PCDH9: variants seen among roughly 807,000 people sequenced by gnomAD.
The protein encoded by PCDH9 is protocadherin 9.
In PCDH9, 24 loss-of-function variants were observed where a neutral mutation model predicts 70.6. The ratio of observed to expected loss-of-function variants is 0.34; its 90% CI spans 0.25 to 0.48. PCDH9 has a LOEUF of 0.48. Ranked by LOEUF, PCDH9 falls within the 20% of genes least tolerant of loss-of-function variation. The pLI, the probability that PCDH9 is intolerant of heterozygous loss-of-function variation, is 0.99. For missense variants in PCDH9, 1,281 were observed against 1,503.6 expected, an observed-to-expected ratio of 0.85 and a Z score of 2.45; for synonymous variants, 562 against 558.5, an observed-to-expected ratio of 1.01 and a Z score of -0.09.
intron 3 of PCDH9, among the ~76,000 whole-genome samples, chr13:66,788,960 G>T (rs2080122869): frequency 6.6e-6 from 1 of 152,020 alleles, no homozygotes; most frequent in South Asian, 2.1e-4. Context: ...AGCACATCTA[G>T]AATTGTCCTG....
intron 2 of PCDH9, among the ~76,000 whole-genome samples, chr13:67,072,464 G>T (rs2085786412): frequency 6.6e-6 from 1 of 151,998 alleles, no homozygotes; most frequent in Non-Finnish European, 1.5e-5. Flanking sequence ...AGTTTTCCTT[G>T]GGCCTTTGGG....
Position 67,226,439 on chromosome 13 carries a change from C to A in PCDH9, c.2002G>T (p.Val668Phe). Residue 668 changes from valine to phenylalanine, a missense_variant, in exon 2 of 5, where the codon GTC becomes TTC. This residue lies in a region of PCDH9 where 798 missense variants were observed against 1,003.1 expected (regional missense o/e 0.80). Transcript: ENST00000377865. The surrounding 1 kb of genome is among the most constrained non-coding windows in gnomAD (Gnocchi z 5.0). ...ATGACAACTGGGCTGTTGTCATTGA[C>A]ATCCATGACGTTGATAGTTACTTTT... ...TAKVTINVMD[V>F]NDNSPVVISP... 6.2e-7 allele frequency: 1 copy of A among 1,613,716 alleles called. No individual in the cohort carries two copies.
chr13:66,537,219 C>T (rs575666482), intron 4 of PCDH9, among the ~76,000 whole-genome samples: 183 of 152,142 alleles, frequency 1.2e-3, no homozygotes, highest in Admixed American at 3.7e-3. Context: ...ACCCCTGAGT[C>T]TTCAGGGCTC....
At chr13:66,369,918 G>T (rs1956615993) in intron 4 of PCDH9, among the ~76,000 whole-genome samples, 1 of 152,200 alleles carries the variant, frequency 6.6e-6, no homozygotes, top group Non-Finnish European at 1.5e-5. Context: ...AGCAGTGGAA[G>T]TATTTTCTTT....
chr13:66,329,046 A>G (rs1323192695), intron 4 of PCDH9, among the ~76,000 whole-genome samples: 1 of 152,120 alleles, frequency 6.6e-6, no homozygotes, highest in Admixed American at 6.5e-5. Flanking sequence ...AAGTATTTAC[A>G]CTTTAAGTTA....
chr13:67,088,270 AG>A lies in PCDH9; in HGVS notation c.3036+137134del, dbSNP rs375064389. Among the ~76,000 whole-genome samples, 14 of 152,100 alleles carry A rather than the reference AG, an allele frequency of 9.2e-5. No homozygotes were observed. In the East Asian group the frequency reaches 1.9e-3, roughly 21 times the overall value. On this transcript the variant is annotated intron_variant, in intron 2 of 4. Coordinates refer to ENST00000377865, the MANE Select transcript of PCDH9 (RefSeq NM_203487.3). The stretch of plus-strand genomic sequence containing the variant: ...CTCAAATCATTTTAGATTGTGATTT[AG>A]TTTTACCCAGCATCTATCAGTTAGC...
rs1260537300 is a variant in PCDH9 at position 66,741,302 on chromosome 13, T to C, written c.3139-109891A>G. ...GACAAAATTCAACAACCCTTCATGC[T>C]AAAAACTCTCAATAAATTAGGTACT... On this transcript the variant is annotated intron_variant, in intron 3 of 4. Coordinates refer to ENST00000377865, the MANE Select transcript of PCDH9 (RefSeq NM_203487.3). Among the ~76,000 whole-genome samples, 4 of 12,724 alleles carry C rather than the reference T, an allele frequency of 3.1e-4. No homozygotes were observed. The Non-Finnish European group carries it at 0.019, about 60-fold the overall frequency. 8.3% of individuals were successfully genotyped at this position (12,724 alleles called of 152,430 possible). A position where few individuals can be genotyped will look rare whatever the true frequency, so the allele number is the denominator to read the frequency against.
At chr13:66,996,843 T>C (rs148197829) in intron 2 of PCDH9, among the ~76,000 whole-genome samples, 1 of 152,260 alleles carries the variant, frequency 6.6e-6, no homozygotes, top group Non-Finnish European at 1.5e-5. Context: ...AATGCAAAAT[T>C]AAAGGATTTT....
At chr13:67,195,106 T>C (rs1464706753) in intron 2 of PCDH9, among the ~76,000 whole-genome samples, 1 of 151,774 alleles carries the variant, frequency 6.6e-6, no homozygotes, top group Non-Finnish European at 1.5e-5. Flanking sequence ...CAATACAGTC[T>C]CCTGGGACAA....
intron 3 of PCDH9, among the ~76,000 whole-genome samples, chr13:66,745,105 C>T (rs946464849): frequency 3.9e-5 from 6 of 151,974 alleles, no homozygotes; most frequent in African/African-American, 1.2e-4. Flanking sequence ...ATAATAGCAC[C>T]CCACTCATAA....
Position 67,016,958 on chromosome 13 carries a change from GT to G in PCDH9, c.3037-113354del, listed in dbSNP as rs11407105. On this transcript the variant is annotated intron_variant, in intron 2 of 4. Transcript: ENST00000377865. The stretch of plus-strand genomic sequence containing the variant: ...GTGCTCAATGATATTTTCTACTAGG[GT>G]TTTTTTTTCCCTCTGAGAGCATTTC... Among the ~76,000 whole-genome samples the G allele has an allele frequency of 9.3e-5, 14 of 151,324 alleles. No homozygotes were observed. In the South Asian group the frequency reaches 2.3e-3, roughly 25 times the overall value.
chr13:66,663,115 A>C (rs2078039570), intron 3 of PCDH9, among the ~76,000 whole-genome samples: 1 of 152,188 alleles, frequency 6.6e-6, no homozygotes, highest in African/African-American at 2.4e-5. Context: ...GATAAACAAA[A>C]ATACAAGTAA....
chr13:66,995,376 C>G (rs946324839), intron 2 of PCDH9, among the ~76,000 whole-genome samples: 3 of 152,048 alleles, frequency 2.0e-5, no homozygotes, highest in Non-Finnish European at 2.9e-5. Context: ...CTGAGGCTAA[C>G]AAAACAAGGG....
intron 2 of PCDH9, among the ~76,000 whole-genome samples, chr13:67,088,951 C>T (rs1238692954): frequency 6.6e-6 from 1 of 151,948 alleles, no homozygotes; most frequent in Non-Finnish European, 1.5e-5. Flanking sequence ...TTAGAAAACA[C>T]AACTAGAAAG....
At chr13:66,418,226 G>A (rs547755807) in intron 4 of PCDH9, among the ~76,000 whole-genome samples, 1 of 152,256 alleles carries the variant, frequency 6.6e-6, no homozygotes, top group East Asian at 1.9e-4. Flanking sequence ...TCTGAATATA[G>A]CTAGCCAGTT....
In PCDH9 at chr13:67,092,636, G is replaced by GAT. The variant is rs201462324; in HGVS notation, c.3036+132767_3036+132768dup. ...GCCTAATGCTGCTCCAGCCTTCCTTGATAGTAGCATACCTTGTTTGCTAAA... is the reference window on the plus strand; with the variant it reads ...GCCTAATGCTGCTCCAGCCTTCCTTGATATAGTAGCATACCTTGTTTGCTAAA... On this transcript the variant is annotated intron_variant, in intron 2 of 4. Transcript: ENST00000377865. Among the ~76,000 whole-genome samples, 1,169 of 152,238 alleles carry GAT rather than the reference G, an allele frequency of 7.7e-3. 18 individuals are homozygous for GAT. Among genetic ancestry groups the GAT allele is most frequent in the African/African-American group, 0.026 (1,085 of 41,526 alleles).
At chr13:66,656,458 T>C (rs1271628429) in intron 3 of PCDH9, among the ~76,000 whole-genome samples, 1 of 151,826 alleles carries the variant, frequency 6.6e-6, no homozygotes, top group African/African-American at 2.4e-5. Context: ...ACAAATTTGT[T>C]CTTTCATAAA....
At chr13:66,488,059 T>C (rs1958974600) in intron 4 of PCDH9, among the ~76,000 whole-genome samples, 2 of 152,198 alleles carry the variant, frequency 1.3e-5, no homozygotes, top group Admixed American at 1.3e-4. Context: ...ATGTTTTCCC[T>C]GGCTTTGTTT....
At chr13:67,187,506 C>G (rs1304802328) in intron 2 of PCDH9, among the ~76,000 whole-genome samples, 1 of 152,110 alleles carries the variant, frequency 6.6e-6, no homozygotes, top group East Asian at 1.9e-4. Flanking sequence ...CTACAAAATG[C>G]TATTTTTCTA....
Sources: allele counts gnomAD v4.1 joint callset (sites outside exome capture counted in the v4.1 genomes callset), GRCh38; gene constraint gnomAD v4.1.1; regional missense constraint gnomAD v4.1.1; non-coding constraint Gnocchi (gnomAD v3.1); transcripts MANE v1.5; gene names NCBI Gene and HGNC (gene_info 2026-07-23, HGNC 2026-07-21).